DNAH2: variants seen among roughly 807,000 people sequenced by gnomAD.
DNAH2 encodes dynein axonemal heavy chain 2.
Under a neutral mutation model 523.5 loss-of-function variants are expected in DNAH2, and 323 were observed. That is an observed-to-expected ratio of 0.62 (90% CI 0.56 to 0.68). The LOEUF is 0.68. Among genes scored for constraint, DNAH2 ranks in the 30% least tolerant of loss-of-function variants. The probability of loss-of-function intolerance (pLI) is 0.00; values close to 1 mark genes in which losing one functional copy is unlikely to be tolerated. For synonymous variants in DNAH2, 2,093 were observed against 2,177.4 expected, an observed-to-expected ratio of 0.96 and a Z score of 1.08; for missense variants, 4,907 against 5,701.5, an observed-to-expected ratio of 0.86 and a Z score of 4.49.
Position 7,821,378 on chromosome 17 carries a change from G to C in DNAH2, c.11142+9G>C. The stretch of plus-strand genomic sequence containing the variant: ...TTCTACGTGGGGGTGTGGTGAGTTG[G>C]GCAGAGAGCACATCCCAGGATGGGA... On this transcript the variant is annotated intron_variant, in intron 73 of 85. Transcript: ENST00000572933. The surrounding 1 kb of genome is among the most constrained non-coding windows in gnomAD (Gnocchi z 5.0). The C allele has an allele frequency of 6.2e-7, 1 of 1,611,324 alleles. No individual in the cohort carries two copies. Among genetic ancestry groups the C allele is most frequent in the South Asian group, 1.1e-5 (1 of 90,530 alleles).
chr17:7,821,181 C>A lies in DNAH2; in HGVS notation c.11016-62C>A. The A allele has an allele frequency of 6.4e-7, 1 of 1,573,472 alleles. No homozygotes were observed. The highest frequency in any genetic ancestry group is 1.7e-5 in the Admixed American group (1 of 57,810). On this transcript the variant is annotated intron_variant, in intron 72 of 85. Coordinates refer to ENST00000572933, the MANE Select transcript of DNAH2 (RefSeq NM_020877.5). This position sits in a 1 kb window ranked among gnomAD's most constrained non-coding sequence, Gnocchi z 5.0. ...TGTGTGATAGTAGCATCATAGCATTCGCATGGAGCATCAGCCCCCATTCCA... is the reference window on the plus strand; with the variant it reads ...TGTGTGATAGTAGCATCATAGCATTAGCATGGAGCATCAGCCCCCATTCCA...
chr17:7,801,536 G>C (rs373668627), intron 56 of DNAH2, 42 bp from the exon 57 acceptor site: 1 of 1,611,898 alleles, frequency 6.2e-7, no homozygotes, highest in Non-Finnish European at 8.5e-7. Context: ...TGGAGGCTGT[G>C]TCTGTGCACG....
rs2077253697 is a variant in DNAH2 at position 7,802,620 on chromosome 17, A to G, written c.8972+603A>G. 1.3e-5 allele frequency among the ~76,000 whole-genome samples: 2 copies of G among 152,216 alleles called. 1 individual carries two copies. Among genetic ancestry groups the G allele is most frequent in the South Asian group, 4.1e-4 (2 of 4,826 alleles). ...ACTGTATTGTTTAGGGAATAATGACAAGAAGAAAAAGTCTGTACATGTTCA... is the reference window on the plus strand; with the variant it reads ...ACTGTATTGTTTAGGGAATAATGACGAGAAGAAAAAGTCTGTACATGTTCA... On this transcript the variant is annotated intron_variant, in intron 58 of 85. Transcript: ENST00000572933.
Position 7,739,820 on chromosome 17 carries a change from A to C in DNAH2, c.1258A>C (p.Ile420Leu), listed in dbSNP as rs1209213786. Residue 420 changes from isoleucine to leucine, a missense_variant, in exon 9 of 86, where the codon ATA becomes CTA. By Grantham distance (5) the Ile-to-Leu change is conservative. Around this residue, in one of 3 missense-constraint regions of DNAH2, gnomAD observed 2,806 missense variants for 3,190.8 expected, o/e 0.88. Coordinates refer to ENST00000572933, the MANE Select transcript of DNAH2 (RefSeq NM_020877.5). ...PCFFGAQGPQ[I>L]TRNLLEIEDI... ...CTTCTTTGGTGCCCAGGGGCCACAG[A>C]TAACACGGAACTTGCTGGAGATTGA... 3.7e-6 allele frequency: 6 copies of C among 1,613,992 alleles called. No individual in the cohort carries two copies. The highest frequency in any genetic ancestry group is 2.5e-6 in the Non-Finnish European group (3 of 1,180,006).
chr17:7,806,473 C>T lies in DNAH2; in HGVS notation c.9443-677C>T, dbSNP rs138574012. 1.9e-4 allele frequency among the ~76,000 whole-genome samples: 29 copies of T among 151,800 alleles called. 1 individual carries two copies. In the East Asian group the frequency reaches 4.5e-3, roughly 23 times the overall value. On this transcript the variant is annotated intron_variant, in intron 61 of 85. Transcript: ENST00000572933. Reference sequence around the variant, plus strand: ...GAGATCGAGACCATCCTGGCTAACACGGTGAAACCCTGTCTCTACTACAAA... The same window carrying T: ...GAGATCGAGACCATCCTGGCTAACATGGTGAAACCCTGTCTCTACTACAAA...
chr17:7,810,564 T>C (rs774598761), intron 63 of DNAH2, among the ~76,000 whole-genome samples: 84 of 152,218 alleles, frequency 5.5e-4, no homozygotes, highest in Non-Finnish European at 9.6e-4. Flanking sequence ...AATTTTTGTA[T>C]TTTTAGTAGA....
At chr17:7,758,464 C>G in intron 13 of DNAH2, 31 bp from the exon 14 acceptor site, 1 of 1,602,292 alleles carries the variant, frequency 6.2e-7, no homozygotes, top group South Asian at 1.1e-5. Flanking sequence ...GGGCTTGTCC[C>G]CTCTGGATAC....
At chr17:7,755,120 G>A (rs544017830) in intron 12 of DNAH2, 1 of 185,604 alleles carries the variant, frequency 5.4e-6, no homozygotes, top group African/African-American at 2.3e-5. Flanking sequence ...TCACCTGATG[G>A]CCTTTTATTT....
chr17:7,824,839 A>G (rs2077975618), intron 77 of DNAH2, 112 bp downstream of exon 77: 8 of 970,836 alleles, frequency 8.2e-6, no homozygotes, highest in Non-Finnish European at 8.6e-6. Flanking sequence ...TGTCCTCAAA[A>G]AATTCCACCT....
rs754564026 is a variant in DNAH2, at chr17:7,727,207, T to G, written c.314T>G (p.Phe105Cys). 2 of 1,608,822 alleles carry G rather than the reference T, an allele frequency of 1.2e-6. No individual in the cohort carries two copies. The highest frequency in any genetic ancestry group is 8.5e-7 in the Non-Finnish European group (1 of 1,178,062). ...TQEHDAILEH[F>C]AQDPTESILT... The stretch of plus-strand genomic sequence containing the variant: ...GAGCATGATGCCATTCTGGAACACT[T>G]TGCCCAGGACCCTACAGAATCCATC... The change falls in exon 4 of 86, where the codon TTT becomes TGT. Residue 105 changes from phenylalanine (F) to cysteine (C), a missense_variant. Around this residue, in one of 3 missense-constraint regions of DNAH2, gnomAD observed 2,806 missense variants for 3,190.8 expected, o/e 0.88. Coordinates refer to ENST00000572933, the MANE Select transcript of DNAH2 (RefSeq NM_020877.5).
Position 7,758,937 on chromosome 17 carries a change from G to A in DNAH2, c.2261G>A (p.Arg754Gln), listed in dbSNP as rs1030421427. ...GCATCCACTCTGACCATTGGCTGGC[G>A]AGCCCAAGAGATGTCAGAGAAGCTG... ...FKASTLTIGW[R>Q]AQEMSEKLLV... Residue 754 changes from arginine to glutamine, a missense_variant, in exon 15 of 86, where the codon CGA becomes CAA. By Grantham distance (43) the Arg-to-Gln change is conservative (BLOSUM62 1). This residue lies in a region of DNAH2 where 2,806 missense variants were observed against 3,190.8 expected (regional missense o/e 0.88). Coordinates refer to ENST00000572933, the MANE Select transcript of DNAH2 (RefSeq NM_020877.5). The A allele has an allele frequency of 8.7e-6, 14 of 1,614,036 alleles. No homozygotes were observed. The highest frequency in any genetic ancestry group is 4.5e-5 in the East Asian group (2 of 44,892).
Position 7,819,277 on chromosome 17 carries a change from C to G in DNAH2, c.10884C>G (p.Asp3628Glu), listed in dbSNP as rs199967552. 3.6e-5 allele frequency: 58 copies of G among 1,614,214 alleles called. No homozygotes were observed. The East Asian group carries it at 1.2e-3, about 32-fold the overall frequency. Residue 3628 changes from aspartate to glutamate, a missense_variant, in exon 72 of 86, where the codon GAC (aspartate) becomes GAG (glutamate). This residue lies in a region of DNAH2 where 1,851 missense variants were observed against 2,139.4 expected (regional missense o/e 0.87). Coordinates refer to ENST00000572933, the MANE Select transcript of DNAH2 (RefSeq NM_020877.5). ...FFVLNDMGCI[D>E]PMYQFSLDAY... is the part of the protein sequence containing the mutation. ...TGCTCAATGATATGGGCTGCATCGA[C>G]CCCATGTACCAGTTCTCACTGGATG...
At chr17:7,800,331 G>A (rs1189846651) in intron 56 of DNAH2, among the ~76,000 whole-genome samples, 3 of 152,026 alleles carry the variant, frequency 2.0e-5, no homozygotes, top group Non-Finnish European at 4.4e-5. Context: ...GATTACAGGC[G>A]TGAGCCACCG....
intron 33 of DNAH2, 103 bp from the exon 34 acceptor site, chr17:7,777,974 C>G: frequency 9.0e-7 from 1 of 1,111,294 alleles, no homozygotes. Context: ...GATCCCTTCA[C>G]TGCAGCCTCC....
In DNAH2 at chr17:7,807,266, G is replaced by A. The variant is rs200910918; in HGVS notation, c.9559G>A (p.Gly3187Ser). Residue 3187 changes from glycine (G) to serine (S), a missense_variant, in exon 62 of 86, where the codon GGC becomes AGC. By Grantham distance (56) the Gly-to-Ser change is moderately conservative (BLOSUM62 0). Coordinates refer to ENST00000572933, the MANE Select transcript of DNAH2 (RefSeq NM_020877.5). The surrounding 1 kb of genome is among the most constrained non-coding windows in gnomAD (Gnocchi z 5.6). ...GCCTGACTTCCAGCCTGATATCATC[G>A]GCCGCGTCTCCCTGGCTGCCAAGTC... ...AQPDFQPDII[G>S]RVSLAAKSLC... The A allele has an allele frequency of 9.9e-6, 16 of 1,613,870 alleles. No homozygotes were observed. The highest frequency in any genetic ancestry group is 8.8e-5 in the South Asian group (8 of 91,086).
chr17:7,758,909 A>G lies in DNAH2; in HGVS notation c.2233A>G (p.Lys745Glu), dbSNP rs2075923019. The change falls in exon 15 of 86, where the codon AAG becomes GAG. Residue 745 changes from lysine to glutamate, a missense_variant. Lys to Glu is a moderately conservative substitution (Grantham distance 56). Around this residue, in one of 3 missense-constraint regions of DNAH2, gnomAD observed 2,806 missense variants for 3,190.8 expected, o/e 0.88. Coordinates refer to ENST00000572933, the MANE Select transcript of DNAH2 (RefSeq NM_020877.5). ...SKVQMIVNEF[K>E]ASTLTIGWRA... is the part of the protein sequence containing the mutation. ...GGTGCAGATGATTGTGAATGAGTTCAAGGCATCCACTCTGACCATTGGCTG... is the reference window on the plus strand; with the variant it reads ...GGTGCAGATGATTGTGAATGAGTTCGAGGCATCCACTCTGACCATTGGCTG... 3.1e-6 allele frequency: 5 copies of G among 1,614,068 alleles called. No homozygotes were observed. The highest frequency in any genetic ancestry group is 4.2e-6 in the Non-Finnish European group (5 of 1,180,050).
chr17:7,775,541 T>C (rs1287513856), intron 30 of DNAH2, among the ~76,000 whole-genome samples, 199 bp downstream of exon 30: 1 of 151,858 alleles, frequency 6.6e-6, no homozygotes, highest in African/African-American at 2.4e-5. Flanking sequence ...CAAAATTAGG[T>C]GGGCGCGGTG....
intron 63 of DNAH2, among the ~76,000 whole-genome samples, chr17:7,810,233 T>A (rs896226529): frequency 4.6e-5 from 7 of 151,768 alleles, no homozygotes; most frequent in Non-Finnish European, 8.8e-5. Context: ...CTGGCTAATT[T>A]TTTATATTTT....
At chr17:7,799,521 A>C (rs1387854225) in intron 56 of DNAH2, among the ~76,000 whole-genome samples, 1 of 152,010 alleles carries the variant, frequency 6.6e-6, no homozygotes, top group Non-Finnish European at 1.5e-5. Flanking sequence ...TGTGGTTAAA[A>C]ACACACACAC....
Sources: gnomAD v4.1 joint callset for allele counts (sites outside exome capture counted in the v4.1 genomes callset) on GRCh38, gnomAD v4.1.1 for gene constraint, gnomAD v4.1.1 regional missense constraint, Gnocchi (gnomAD v3.1) non-coding constraint, MANE v1.5 for transcripts, NCBI Gene and HGNC (gene_info 2026-07-23, HGNC 2026-07-21) for gene names.